The following UGT1A8 variants were observed in gnomAD, a reference collection of about 807,000 sequenced individuals.
UGT1A8 encodes the protein UDP-glucuronosyltransferase 1A8.
UGT1A8 carries 39 observed loss-of-function variants against 45.3 expected under a neutral mutation model. The ratio of observed to expected loss-of-function variants is 0.86; its 90% confidence interval spans 0.67 to 1.12. The LOEUF is 1.12. UGT1A8 is among the 50% of genes most tolerant of loss of function. UGT1A8 has a pLI of 0.00. For missense variants in UGT1A8, 719 were observed against 664.9 expected (o/e 1.08, Z -0.90); for synonymous variants, 275 against 249.2 (o/e 1.10, Z -0.97).
At chr2:233,702,346 AT>A (rs1310993956) in intron 1 of UGT1A8, among the ~76,000 whole-genome samples, 1 of 152,068 alleles carries the variant, frequency 6.6e-6, no homozygotes, top group African/African-American at 2.4e-5. Context: ...ATTTGTTCTA[AT>A]AGTTTTTTTT....
chr2:233,693,458 G>A lies in UGT1A8; in HGVS notation c.856-73576G>A. ...GTTTGATGCTCTTTTCACAGACCCAGCCTTACCCTGTGGGGTGATCCTGGC... is the reference window on the plus strand; with the variant it reads ...GTTTGATGCTCTTTTCACAGACCCAACCTTACCCTGTGGGGTGATCCTGGC... On this transcript the variant is annotated intron_variant, in intron 1 of 4. Coordinates refer to ENST00000373450, the MANE Select transcript of UGT1A8 (RefSeq NM_019076.5). The A allele has an allele frequency of 6.2e-7, 1 of 1,614,092 alleles. No individual in the cohort carries two copies. The highest frequency in any genetic ancestry group is 8.5e-7 in the Non-Finnish European group (1 of 1,180,020).
At chr2:233,691,355 C>G (rs2075039802) in intron 1 of UGT1A8, 1 of 985,428 alleles carries the variant, frequency 1.0e-6, no homozygotes, top group African/African-American at 1.7e-5. Context: ...ATGCCTTGAA[C>G]AATGAATTTG....
intron 1 of UGT1A8, among the ~76,000 whole-genome samples, chr2:233,655,774 C>T (rs1230386812): frequency 6.6e-6 from 1 of 152,184 alleles, no homozygotes; most frequent in Non-Finnish European, 1.5e-5. Flanking sequence ...CCTGCAAGAG[C>T]AATGCTAAGT....
At chr2:233,729,839 T>A (rs749325726) in intron 1 of UGT1A8, 14 of 1,613,780 alleles carry the variant, frequency 8.7e-6, no homozygotes, top group Non-Finnish European at 4.2e-6. Context: ...GCCTCTGAGC[T>A]TTTTCAGAGA....
rs2076922721 is a variant in UGT1A8, at chr2:233,721,129, T to G, written c.856-45905T>G. 2.0e-5 allele frequency among the ~76,000 whole-genome samples: 3 copies of G among 152,198 alleles called. 1 individual carries two copies. Among genetic ancestry groups the G allele is most frequent in the Admixed American group, 2.0e-4 (3 of 15,284 alleles). On this transcript the variant is annotated intron_variant, in intron 1 of 4. Transcript: ENST00000373450. ...TTATTTCTGTACTTCTTTTTATTAGTGTAGGTATTATTGCAAAGGACACTA... is the reference window on the plus strand; with the variant it reads ...TTATTTCTGTACTTCTTTTTATTAGGGTAGGTATTATTGCAAAGGACACTA...
At chr2:233,730,895 C>G (rs909746979) in intron 1 of UGT1A8, among the ~76,000 whole-genome samples, 5 of 152,098 alleles carry the variant, frequency 3.3e-5, no homozygotes, top group African/African-American at 1.2e-4. Flanking sequence ...GGGATCTACT[C>G]CTTTACCAAA....
chr2:233,674,533 G>T (rs1256226097), intron 1 of UGT1A8, among the ~76,000 whole-genome samples: 1 of 152,012 alleles, frequency 6.6e-6, no homozygotes, highest in Admixed American at 6.6e-5. Context: ...TCACCCAGAG[G>T]CCTTTAGAGA....
At chr2:233,726,038 C>T (rs1360509529) in intron 1 of UGT1A8, among the ~76,000 whole-genome samples, 1 of 152,198 alleles carries the variant, frequency 6.6e-6, no homozygotes, top group African/African-American at 2.4e-5. Context: ...TGATGGCGCA[C>T]ACCTGTGGTC....
rs780438758 is a variant in UGT1A8 at position 233,633,787 on chromosome 2, G to GT, written c.855+15231dup. Reference sequence around the variant, plus strand: ...CCTGGATTCATTGATTTTTTGAAGGGTTTTTTGTGTCTCTATCTCCTTCAG... The same window carrying GT: ...CCTGGATTCATTGATTTTTTGAAGGGTTTTTTTGTGTCTCTATCTCCTTCAG... On this transcript the variant is annotated intron_variant, in intron 1 of 4. Transcript: ENST00000373450. 2.8e-4 allele frequency among the ~76,000 whole-genome samples: 42 copies of GT among 152,130 alleles called. 1 individual carries two copies. Among genetic ancestry groups the GT allele is most frequent in the Non-Finnish European group, 5.4e-4 (37 of 67,994 alleles).
intron 1 of UGT1A8, among the ~76,000 whole-genome samples, chr2:233,759,688 G>T (rs537890519): frequency 7.0e-6 from 1 of 143,840 alleles, no homozygotes; most frequent in Admixed American, 7.5e-5. Flanking sequence ...TGTGAGTCTG[G>T]CTCACCTCAT....
rs560806215 is a variant in UGT1A8 at position 233,637,810 on chromosome 2, AT to A, written c.855+19250del. Among the ~76,000 whole-genome samples, 334 of 152,316 alleles carry A rather than the reference AT, an allele frequency of 2.2e-3. 1 individual carries two copies. The highest frequency in any genetic ancestry group is 7.5e-3 in the African/African-American group (313 of 41,580). On this transcript the variant is annotated intron_variant, in intron 1 of 4. Coordinates refer to ENST00000373450, the MANE Select transcript of UGT1A8 (RefSeq NM_019076.5). Reference sequence around the variant, plus strand: ...CTATTTAGTAAAAATAAAATCTAGTATTGGGCTGAACATATTCTTCTTTATC... The same window carrying A: ...CTATTTAGTAAAAATAAAATCTAGTATGGGCTGAACATATTCTTCTTTATC...
At chr2:233,654,246 T>C (rs1199731420) in intron 1 of UGT1A8, among the ~76,000 whole-genome samples, 2 of 152,200 alleles carry the variant, frequency 1.3e-5, no homozygotes, top group Non-Finnish European at 2.9e-5. Context: ...ATTGTGATTT[T>C]TGGGATTTTA....
intron 1 of UGT1A8, among the ~76,000 whole-genome samples, chr2:233,700,085 G>T (rs537360588): frequency 2.8e-4 from 42 of 152,322 alleles, no homozygotes; most frequent in African/African-American, 9.4e-4. Context: ...AAGGCCCCCA[G>T]CCTGGAGGTG....
At chr2:233,767,234 C>T in intron 2 of UGT1A8, 69 bp downstream of exon 2, 1 of 1,609,592 alleles carries the variant, frequency 6.2e-7, no homozygotes, top group Middle Eastern at 1.7e-4. Context: ...CTTCCAGCTT[C>T]CAGATTAATT....
At chr2:233,630,976 C>T (rs1186856206) in intron 1 of UGT1A8, among the ~76,000 whole-genome samples, 1 of 151,956 alleles carries the variant, frequency 6.6e-6, no homozygotes, top group Non-Finnish European at 1.5e-5. Context: ...CTAATGCTTT[C>T]CCTCCCCTAG....
intron 1 of UGT1A8, among the ~76,000 whole-genome samples, chr2:233,638,539 C>A (rs1188540030): frequency 1.3e-5 from 2 of 152,048 alleles, no homozygotes; most frequent in Non-Finnish European, 2.9e-5. Context: ...GTTAGAGTAG[C>A]CAGTTTAAAT....
intron 1 of UGT1A8, among the ~76,000 whole-genome samples, chr2:233,632,788 T>A (rs2073215635): frequency 6.6e-6 from 1 of 152,216 alleles, no homozygotes; most frequent in South Asian, 2.1e-4. Context: ...CAGAGACAAT[T>A]TGACTTTCTC....
intron 1 of UGT1A8, among the ~76,000 whole-genome samples, chr2:233,652,282 A>G (rs1271352344): frequency 2.0e-5 from 3 of 152,226 alleles, no homozygotes; most frequent in Non-Finnish European, 4.4e-5. Context: ...TTTTTGTCAA[A>G]GTTTTCAAAT....
chr2:233,746,292 T>G (rs1467631519), intron 1 of UGT1A8, among the ~76,000 whole-genome samples: 3 of 151,662 alleles, frequency 2.0e-5, no homozygotes, highest in Non-Finnish European at 4.4e-5. Flanking sequence ...GAAGGTGGCT[T>G]TGTTTCCCTT....
Sources: allele counts gnomAD v4.1 joint callset (sites outside exome capture counted in the v4.1 genomes callset), GRCh38; gene constraint gnomAD v4.1.1; transcripts MANE v1.5; gene names NCBI Gene and HGNC (gene_info 2026-07-23, HGNC 2026-07-21).